The following BSCL2 variants were observed in gnomAD, a reference collection of about 807,000 sequenced individuals.
The protein encoded by BSCL2 is seipin.
BSCL2 carries 41 observed loss-of-function variants against 57.4 expected under a neutral mutation model. The observed-to-expected ratio is 0.71, with a 90% confidence interval of 0.56 to 0.93. The LOEUF (loss-of-function observed/expected upper bound fraction) is 0.93. Among genes scored for constraint, BSCL2 ranks in the 40% least tolerant of loss-of-function variants. The probability of loss-of-function intolerance (pLI) is 0.00; values close to 1 mark genes in which losing one functional copy is unlikely to be tolerated. For synonymous variants in BSCL2, 237 were observed against 227.3 expected (o/e 1.04, Z -0.38); for missense variants, 539 against 586.7 (o/e 0.92, Z 0.84).
chr11:62,703,150 C>CAA (rs35672317), intron 2 of BSCL2, among the ~76,000 whole-genome samples: 4,896 of 138,998 alleles, frequency 0.035, 273 homozygotes, highest in African/African-American at 0.12. Context: ...AACTCCATCT[C>CAA]AAAAAAAAAA....
rs776003071 is a variant in BSCL2, at chr11:62,705,339, C to T, written c.366G>A (p.Pro122=). 6.2e-6 allele frequency: 10 copies of T among 1,613,644 alleles called. No individual in the cohort carries two copies. The highest frequency in any genetic ancestry group is 2.2e-5 in the East Asian group (1 of 44,888). ...LYGSFYYSYM[P]TVSHLSPVHF... ...GCACAGGGCTGAGGTGGCTGACTGTCGGCATATAGGAATAGTAGAAGGAGC... is the reference window on the plus strand; with the variant it reads ...GCACAGGGCTGAGGTGGCTGACTGTTGGCATATAGGAATAGTAGAAGGAGC... Residue 122 remains proline, a synonymous_variant, in exon 2 of 11, where the codon CCG becomes CCA. Coordinates refer to ENST00000360796, the MANE Select transcript of BSCL2 (RefSeq NM_001122955.4).
At chr11:62,708,751 T>C, upstream of BSCL2, 1 of 1,614,160 alleles carries the variant, frequency 6.2e-7, no homozygotes, top group Non-Finnish European at 8.5e-7. Context: ...ATCACCCCTG[T>C]GCCCACTTCG....
Position 62,692,441 on chromosome 11 carries a change from G to A in BSCL2, c.798C>T (p.Ile266=). Residue 266 remains isoleucine (I), a synonymous_variant, in exon 6 of 11, where the codon ATC becomes ATT. Transcript: ENST00000360796. ...YVPTTGAIIE[I]HSKRIQLYGA... Reference sequence around the variant, plus strand: ...CATACAGCTGGATGCGCTTGCTGTGGATCTCAATGATCGCTCCAGTGGTCG... The same window carrying A: ...CATACAGCTGGATGCGCTTGCTGTGAATCTCAATGATCGCTCCAGTGGTCG... The A allele has an allele frequency of 6.2e-7, 1 of 1,614,104 alleles. No individual in the cohort carries two copies. Among genetic ancestry groups the A allele is most frequent in the Non-Finnish European group, 8.5e-7 (1 of 1,180,042 alleles).
upstream of BSCL2, chr11:62,709,515 A>G (rs1430937925): frequency 8.8e-6 from 4 of 453,128 alleles, no homozygotes; most frequent in Admixed American, 9.4e-5. Context: ...AACTCTTAGG[A>G]GGGTAGGGGC....
rs374507554 is a variant in BSCL2 at position 62,694,643 on chromosome 11, T to A, written c.555A>T (p.Gln185His). ...ELELPESPVN[Q>H]DLGMFLVTIS... ...TGGTGACCAAGAACATGCCCAAATCTTGATTCACAGGGGACTCTGGCAGCT... is the reference window on the plus strand; with the variant it reads ...TGGTGACCAAGAACATGCCCAAATCATGATTCACAGGGGACTCTGGCAGCT... The change falls in exon 4 of 11, where the codon CAA (glutamine) becomes CAT (histidine). Residue 185 changes from glutamine to histidine, a missense_variant. Physicochemically the swap from Gln to His is conservative, Grantham distance 24. Coordinates refer to ENST00000360796, the MANE Select transcript of BSCL2 (RefSeq NM_001122955.4). 13 of 1,614,012 alleles carry A rather than the reference T, an allele frequency of 8.1e-6. No homozygotes were observed. Among genetic ancestry groups the A allele is most frequent in the Non-Finnish European group, 1.1e-5 (13 of 1,180,022 alleles).
At chr11:62,697,268 G>T (rs1205862186) in intron 3 of BSCL2, among the ~76,000 whole-genome samples, 1 of 151,154 alleles carries the variant, frequency 6.6e-6, no homozygotes, top group Non-Finnish European at 1.5e-5. Context: ...GGTGGTGGGC[G>T]CCTGTAGTCC....
At chr11:62,694,195 C>CTTTTT (rs71056545) in intron 4 of BSCL2, among the ~76,000 whole-genome samples, 5 of 47,132 alleles carry the variant, frequency 1.1e-4, no homozygotes, top group African/African-American at 3.2e-4. Context: ...CCCAGACATT[C>CTTTTT]TTTTTTTTTT....
At chr11:62,691,542 C>A (rs1565143800) in intron 6 of BSCL2, 121 bp from the exon 7 acceptor site, 2 of 1,168,708 alleles carry the variant, frequency 1.7e-6, no homozygotes, top group African/African-American at 1.5e-5. Context: ...GGCTCTGTCA[C>A]CCCTGCCTCC....
upstream of BSCL2, chr11:62,708,517 G>C: frequency 8.1e-7 from 1 of 1,233,364 alleles, no homozygotes; most frequent in Non-Finnish European, 1.2e-6. Context: ...AGGAGTCTGG[G>C]GCTCTGTAGA....
Position 62,691,361 on chromosome 11 carries a change from G to A in BSCL2, c.924C>T (p.Thr308=). Reference sequence around the variant, plus strand: ...TGAAGAGCACGATGACGCTGAGGAAGGTGAAGTTGCTGGCAACACCTATGA... The same window carrying A: ...TGAAGAGCACGATGACGCTGAGGAAAGTGAAGTTGCTGGCAACACCTATGA... ...CAFIGVASNF[T]FLSVIVLFSY... Residue 308 remains threonine, a synonymous_variant, in exon 7 of 11, where the codon ACC becomes ACT. Coordinates refer to ENST00000360796, the MANE Select transcript of BSCL2 (RefSeq NM_001122955.4). 2 of 1,614,184 alleles carry A rather than the reference G, an allele frequency of 1.2e-6. No individual in the cohort carries two copies. The highest frequency in any genetic ancestry group is 1.7e-6 in the Non-Finnish European group (2 of 1,180,026).
intron 1 of BSCL2, 95 bp downstream of exon 1, chr11:62,707,014 G>T (rs2083551258): frequency 9.1e-7 from 1 of 1,100,096 alleles, no homozygotes; most frequent in Non-Finnish European, 1.3e-6. Context: ...CAAAATGAAT[G>T]AAATTCTTAA....
chr11:62,706,345 G>A (rs937030190), intron 1 of BSCL2: 2 of 1,104,794 alleles, frequency 1.8e-6, no homozygotes, highest in Non-Finnish European at 2.3e-6. Flanking sequence ...CGCTTTTGTA[G>A]CCGTGGGAGG....
intron 1 of BSCL2, chr11:62,706,258 C>T (rs914327881): frequency 5.1e-5 from 56 of 1,098,412 alleles, no homozygotes; most frequent in Non-Finnish European, 6.2e-5. Context: ...TGCCGACTCA[C>T]CAGCCTCGCG....
chr11:62,694,551 AG>A lies in BSCL2; in HGVS notation c.630+16del, dbSNP rs1945399396. 2.5e-6 allele frequency: 4 copies of A among 1,613,776 alleles called. No individual in the cohort carries two copies. In the Admixed American group the frequency reaches 6.7e-5, roughly 27 times the overall value. ...CATCTTCCTCCACACCTTCTCAGAC[AG>A]GCCACCAACACTTACCGAACGCGAA... On this transcript the variant is annotated intron_variant, in intron 4 of 10. Transcript: ENST00000360796.
chr11:62,706,113 C>G, intron 1 of BSCL2: 2 of 667,288 alleles, frequency 3.0e-6, no homozygotes, highest in Non-Finnish European at 3.8e-6. Context: ...ACGGCTACAC[C>G]CCACGCCCGG....
Position 62,707,136 on chromosome 11 carries a change from G to T in BSCL2, c.60C>A (p.Asp20Glu), listed in dbSNP as rs115116507. 1 of 1,554,264 alleles carries T rather than the reference G, an allele frequency of 6.4e-7. No homozygotes were observed. The highest frequency in any genetic ancestry group is 1.4e-5 in the African/African-American group (1 of 73,246). ...EEAGEKEVCGDQIKGPDKEEE... is the reference protein window; with the variant it reads ...EEAGEKEVCGEQIKGPDKEEE... ...CCTCTTTGTCCGGTCCTTTGATCTG[G>T]TCTCCGCACACCTCTTTTTCCCCAG... Residue 20 changes from aspartate to glutamate, a missense_variant, in exon 1 of 11, where the codon GAC becomes GAA. Physicochemically the swap from Asp to Glu is conservative, Grantham distance 45. Around this residue, in one of 3 missense-constraint regions of BSCL2, gnomAD observed 218 missense variants for 224.8 expected, o/e 0.97. Transcript: ENST00000360796.
intron 3 of BSCL2, among the ~76,000 whole-genome samples, chr11:62,695,243 A>G (rs940495899): frequency 1.3e-5 from 2 of 152,148 alleles, no homozygotes; most frequent in Non-Finnish European, 2.9e-5. Flanking sequence ...GATCACCCTC[A>G]AGAGGTTAAA....
At chr11:62,704,130 G>GAA (rs1341507886) in intron 2 of BSCL2, among the ~76,000 whole-genome samples, 3 of 105,950 alleles carry the variant, frequency 2.8e-5, no homozygotes, top group African/African-American at 1.1e-4. Context: ...GTCTCAAAAA[G>GAA]AAAAAAAAAA....
At chr11:62,694,778 C>T in intron 3 of BSCL2, 67 bp from the exon 4 acceptor site, 4 of 1,550,874 alleles carry the variant, frequency 2.6e-6, no homozygotes, top group South Asian at 1.2e-5. Flanking sequence ...CTCTATTCCA[C>T]CTCCCTCTTA....
Sources: allele counts gnomAD v4.1 joint callset (sites outside exome capture counted in the v4.1 genomes callset), GRCh38; gene constraint gnomAD v4.1.1; regional missense constraint gnomAD v4.1.1; transcripts MANE v1.5; gene names NCBI Gene and HGNC (gene_info 2026-07-23, HGNC 2026-07-21).